ZCCHC7: variants seen among roughly 807,000 people sequenced by gnomAD.
The protein encoded by ZCCHC7 is zinc finger CCHC-type containing 7.
In ZCCHC7, 35 loss-of-function variants were observed where a neutral mutation model predicts 52.0. The observed-to-expected ratio is 0.67, with a 90% confidence interval of 0.51 to 0.89. The LOEUF (loss-of-function observed/expected upper bound fraction) is 0.89, where lower values mean the gene tolerates loss of function less well. Among genes scored for constraint, ZCCHC7 ranks in the 40% least tolerant of loss-of-function variants. ZCCHC7 has a pLI of 0.00. For synonymous variants in ZCCHC7, 217 were observed against 221.5 expected, an observed-to-expected ratio of 0.98 and a Z score of 0.18; for missense variants, 574 against 649.1, an observed-to-expected ratio of 0.88 and a Z score of 1.26.
chr9:37,336,356 C>G (rs1830658358), intron 6 of ZCCHC7, among the ~76,000 whole-genome samples: 2 of 152,212 alleles, frequency 1.3e-5, no homozygotes, highest in Non-Finnish European at 2.9e-5. Flanking sequence ...TTAAGACAAG[C>G]AAAGGCTCAG....
chr9:37,193,903 T>C (rs538931385), intron 2 of ZCCHC7, among the ~76,000 whole-genome samples: 3 of 152,340 alleles, frequency 2.0e-5, no homozygotes, highest in East Asian at 3.9e-4. Context: ...GCTTGTCCTG[T>C]GTGACCCTTG....
Position 37,311,471 on chromosome 9 carries a change from G to A in ZCCHC7, c.951+5757G>A, listed in dbSNP as rs563101855. On this transcript the variant is annotated intron_variant, in intron 5 of 8. Coordinates refer to ENST00000336755, the MANE Select transcript of ZCCHC7 (RefSeq NM_032226.3). Reference sequence around the variant, plus strand: ...CTCACTCTGCCGCCCAGGGTGCAGAGGTGTGATCTCGGCTCACTGCAACCT... The same window carrying A: ...CTCACTCTGCCGCCCAGGGTGCAGAAGTGTGATCTCGGCTCACTGCAACCT... 2.3e-4 allele frequency among the ~76,000 whole-genome samples: 32 copies of A among 138,066 alleles called. No homozygotes were observed. The South Asian group carries it at 4.6e-3, about 20-fold the overall frequency. The allele number at this position is 138,066 out of a possible 152,430, so 90.6% of individuals were successfully genotyped here. A position where few individuals can be genotyped will look rare whatever the true frequency, so the allele number is the denominator to read the frequency against.
intron 1 of ZCCHC7, among the ~76,000 whole-genome samples, chr9:37,122,710 G>C (rs1237841341): frequency 6.6e-6 from 1 of 152,228 alleles, no homozygotes; most frequent in Non-Finnish European, 1.5e-5. Flanking sequence ...GAGTCCGAGT[G>C]GGGCGGATCA....
intron 2 of ZCCHC7, among the ~76,000 whole-genome samples, chr9:37,235,283 A>G (rs1273842921): frequency 6.6e-6 from 1 of 152,126 alleles, no homozygotes. Context: ...GTCTCTGGTA[A>G]CCACTATTCT....
intron 2 of ZCCHC7, among the ~76,000 whole-genome samples, chr9:37,163,380 C>A (rs1297392020): frequency 2.1e-4 from 24 of 114,412 alleles, no homozygotes; most frequent in South Asian, 3.0e-4. Context: ...AGCAAGACTC[C>A]ATCTCAAAAA....
chr9:37,195,146 C>T (rs920410711), intron 2 of ZCCHC7, among the ~76,000 whole-genome samples: 3 of 151,868 alleles, frequency 2.0e-5, no homozygotes, highest in Non-Finnish European at 2.9e-5. Flanking sequence ...GGGGTTTTAC[C>T]ATGTTAGCAA....
chr9:37,171,424 T>C (rs538167716), intron 2 of ZCCHC7, among the ~76,000 whole-genome samples: 1 of 152,146 alleles, frequency 6.6e-6, no homozygotes, highest in East Asian at 1.9e-4. Flanking sequence ...GGCATCTTCT[T>C]TTTTATTTTT....
At chr9:37,213,563 CTATT>C (rs1824350135) in intron 2 of ZCCHC7, among the ~76,000 whole-genome samples, 1 of 152,178 alleles carries the variant, frequency 6.6e-6, no homozygotes, top group South Asian at 2.1e-4. Context: ...TTAGTAATGT[CTATT>C]TATCTGATGA....
At chr9:37,266,178 A>G (rs1319096890) in intron 2 of ZCCHC7, among the ~76,000 whole-genome samples, 1 of 152,228 alleles carries the variant, frequency 6.6e-6, no homozygotes, top group Non-Finnish European at 1.5e-5. Flanking sequence ...GTTCATCCAA[A>G]AAAACAGAAT....
intron 2 of ZCCHC7, among the ~76,000 whole-genome samples, chr9:37,223,155 A>T (rs972166985): frequency 3.2e-4 from 35 of 110,722 alleles, no homozygotes; most frequent in African/African-American, 8.0e-4. Flanking sequence ...GGAACAGTTT[A>T]AAAAAAAAAG....
chr9:37,339,644 G>A (rs1830832183), intron 6 of ZCCHC7, among the ~76,000 whole-genome samples: 1 of 152,096 alleles, frequency 6.6e-6, no homozygotes, highest in Non-Finnish European at 1.5e-5. Context: ...ACTTTTCTCA[G>A]TGTTATATTT....
At chr9:37,195,252 C>A (rs1167841952) in intron 2 of ZCCHC7, among the ~76,000 whole-genome samples, 2 of 152,068 alleles carry the variant, frequency 1.3e-5, no homozygotes, top group Admixed American at 6.5e-5. Flanking sequence ...CAGCCAGATT[C>A]TCATATTTTT....
At chr9:37,233,757 T>A (rs1825512978) in intron 2 of ZCCHC7, among the ~76,000 whole-genome samples, 1 of 151,830 alleles carries the variant, frequency 6.6e-6, no homozygotes, top group African/African-American at 2.4e-5. Context: ...ACTGACAGGG[T>A]CAAGAGAAAA....
intron 2 of ZCCHC7, among the ~76,000 whole-genome samples, chr9:37,212,798 A>G (rs1824310738): frequency 6.6e-6 from 1 of 152,204 alleles, no homozygotes. Flanking sequence ...CATCAACAAT[A>G]TATCAGTGTA....
chr9:37,290,641 C>G (rs944164078), intron 2 of ZCCHC7, among the ~76,000 whole-genome samples: 2 of 152,102 alleles, frequency 1.3e-5, no homozygotes, highest in African/African-American at 2.4e-5. Flanking sequence ...GCCAGAGCGA[C>G]AGAGTGAGAC....
intron 6 of ZCCHC7, among the ~76,000 whole-genome samples, chr9:37,339,316 C>T (rs190462592): frequency 1.3e-5 from 2 of 152,268 alleles, no homozygotes; most frequent in Admixed American, 6.5e-5. Context: ...TTGTCCAAAA[C>T]CTCAGTTGAA....
chr9:37,246,782 C>T (rs1826097881), intron 2 of ZCCHC7, among the ~76,000 whole-genome samples: 1 of 152,084 alleles, frequency 6.6e-6, no homozygotes, highest in African/African-American at 2.4e-5. Context: ...ATGGGTTCTA[C>T]AGGACTGATT....
chr9:37,226,961 G>A (rs1023147710), intron 2 of ZCCHC7, among the ~76,000 whole-genome samples: 3 of 150,936 alleles, frequency 2.0e-5, no homozygotes, highest in Non-Finnish European at 2.9e-5. Flanking sequence ...ACCTGGGGGC[G>A]GAGCTTGCAG....
intron 2 of ZCCHC7, among the ~76,000 whole-genome samples, chr9:37,257,584 T>G (rs549592456): frequency 6.6e-6 from 1 of 152,312 alleles, no homozygotes; most frequent in South Asian, 2.1e-4. Flanking sequence ...CACTTTTATT[T>G]ATTTTTTATT....
Sources: gnomAD v4.1 joint callset for allele counts (sites outside exome capture counted in the v4.1 genomes callset) on GRCh38, gnomAD v4.1.1 for gene constraint, MANE v1.5 for transcripts, NCBI Gene and HGNC (gene_info 2026-07-23, HGNC 2026-07-21) for gene names.